Variants in DLG2 observed in about 807,000 individuals in gnomAD.
DLG2 encodes the protein disks large homolog 2.
A neutral mutation model predicts 132.5 loss-of-function variants in DLG2; 45 were observed. The observed-to-expected ratio is 0.34, with a 90% confidence interval of 0.27 to 0.44. The LOEUF (loss-of-function observed/expected upper bound fraction) is 0.44. DLG2 is among the 20% of genes least tolerant of loss of function. The pLI, the probability that DLG2 is intolerant of heterozygous loss-of-function variation, is 1.00. For missense variants in DLG2, 1,045 were observed against 1,196.9 expected (o/e 0.87, Z 1.87); for synonymous variants, 424 against 419.6 (o/e 1.01, Z -0.13).
intron 7 of DLG2, among the ~76,000 whole-genome samples, chr11:84,303,004 C>T (rs976296738): frequency 6.6e-6 from 1 of 151,922 alleles, no homozygotes; most frequent in South Asian, 2.1e-4. Context: ...GCCTGTAGTT[C>T]CAGGTACTCA....
intron 6 of DLG2, among the ~76,000 whole-genome samples, chr11:84,927,998 T>C (rs1315246053): frequency 6.6e-6 from 1 of 151,904 alleles, no homozygotes; most frequent in Non-Finnish European, 1.5e-5. Flanking sequence ...ATCACTGCTC[T>C]GAAGAAAGAG....
chr11:84,345,234 G>A (rs977394221), intron 7 of DLG2, among the ~76,000 whole-genome samples: 1 of 152,168 alleles, frequency 6.6e-6, no homozygotes, highest in Non-Finnish European at 1.5e-5. Flanking sequence ...GCTGACCTGG[G>A]AAAATTACTG....
At chr11:83,948,714 C>T (rs1219785310) in intron 14 of DLG2, among the ~76,000 whole-genome samples, 1 of 151,978 alleles carries the variant, frequency 6.6e-6, no homozygotes, top group Non-Finnish European at 1.5e-5. Flanking sequence ...TGGAGCCCAA[C>T]TGCCTATGTT....
intron 3 of DLG2, among the ~76,000 whole-genome samples, chr11:85,513,613 C>T (rs567532715): frequency 6.6e-6 from 1 of 152,070 alleles, no homozygotes; most frequent in South Asian, 2.1e-4. Flanking sequence ...CCCATTTAAT[C>T]ACCAGCAAGG....
At chr11:84,134,917 G>A (rs1033359469) in intron 9 of DLG2, among the ~76,000 whole-genome samples, 46 of 151,942 alleles carry the variant, frequency 3.0e-4, no homozygotes, top group African/African-American at 1.1e-3. Flanking sequence ...GCCAAGGGGT[G>A]AAGGGCAATG....
chr11:85,171,767 T>A (rs2078895234), intron 4 of DLG2, among the ~76,000 whole-genome samples: 1 of 152,124 alleles, frequency 6.6e-6, no homozygotes, highest in African/African-American at 2.4e-5. Flanking sequence ...AGTGGGCCAT[T>A]CTACCCTGCC....
chr11:83,590,029 C>G (rs1033831275), intron 19 of DLG2, among the ~76,000 whole-genome samples: 4 of 134,440 alleles, frequency 3.0e-5, no homozygotes, highest in African/African-American at 1.2e-4. Context: ...TAGACTCCCA[C>G]ACATTAATAA....
At chr11:84,055,928 A>T (rs2096490446) in intron 11 of DLG2, among the ~76,000 whole-genome samples, 1 of 152,162 alleles carries the variant, frequency 6.6e-6, no homozygotes, top group African/African-American at 2.4e-5. Context: ...GAAGGACTAC[A>T]TTAATGTATA....
chr11:85,513,782 C>A (rs746171945), intron 3 of DLG2, among the ~76,000 whole-genome samples: 2 of 151,904 alleles, frequency 1.3e-5, no homozygotes, highest in African/African-American at 2.4e-5. Context: ...AATAACAACA[C>A]CTATTTGATA....
intron 2 of DLG2, among the ~76,000 whole-genome samples, chr11:85,607,626 G>T (rs2153261755): frequency 6.6e-6 from 1 of 152,254 alleles, no homozygotes; most frequent in African/African-American, 2.4e-5. Flanking sequence ...TTTGGCACCT[G>T]GGCTCACCAA....
intron 6 of DLG2, among the ~76,000 whole-genome samples, chr11:84,982,141 A>G (rs1328538720): frequency 1.3e-5 from 2 of 152,022 alleles, no homozygotes; most frequent in Non-Finnish European, 2.9e-5. Flanking sequence ...TATTTAGTCC[A>G]CCAAGCTCTT....
At chr11:84,176,558 A>AT (rs2095974436) in intron 8 of DLG2, among the ~76,000 whole-genome samples, 3 of 151,996 alleles carry the variant, frequency 2.0e-5, no homozygotes, top group Admixed American at 2.0e-4. Context: ...AAGTATAAGC[A>AT]ATATATTTTT....
At chr11:84,545,252 AG>A (rs1054308496) in intron 6 of DLG2, 9 of 483,104 alleles carry the variant, frequency 1.9e-5, no homozygotes. Flanking sequence ...CTGCCTCCTA[AG>A]GTTTCTCTCC....
At chr11:84,202,321 AC>A (rs1403782655) in intron 8 of DLG2, among the ~76,000 whole-genome samples, 7 of 152,288 alleles carry the variant, frequency 4.6e-5, no homozygotes, top group African/African-American at 1.7e-4. Flanking sequence ...TTTCACACCT[AC>A]AACCATCTGA....
intron 3 of DLG2, among the ~76,000 whole-genome samples, chr11:85,320,792 T>C (rs970554636): frequency 6.6e-6 from 1 of 151,962 alleles, no homozygotes; most frequent in Non-Finnish European, 1.5e-5. Flanking sequence ...GTACTATTCA[T>C]GCTCAAGAAT....
intron 9 of DLG2, among the ~76,000 whole-genome samples, chr11:84,134,413 A>C (rs2154220420): frequency 6.6e-6 from 1 of 152,262 alleles, no homozygotes; most frequent in South Asian, 2.1e-4. Context: ...ATTAAAGCCT[A>C]GGTATCTACT....
chr11:85,445,078 A>T (rs2091947963), intron 3 of DLG2, among the ~76,000 whole-genome samples: 1 of 152,256 alleles, frequency 6.6e-6, no homozygotes, highest in Non-Finnish European at 1.5e-5. Context: ...GTACTAAAAC[A>T]ATGATAGACC....
upstream of DLG2, among the ~76,000 whole-genome samples, chr11:85,628,141 GCTGGT>G: frequency 6.6e-6 from 1 of 152,204 alleles, no homozygotes; most frequent in Admixed American, 6.5e-5. Flanking sequence ...GCGCTGGGCG[GCTGGT>G]CCGGGGTTTG....
chr11:84,798,750 G>T (rs903335024), intron 6 of DLG2, among the ~76,000 whole-genome samples: 4 of 152,176 alleles, frequency 2.6e-5, no homozygotes, highest in African/African-American at 9.7e-5. Context: ...TATTACTGTT[G>T]GTTATTCAGG....
Sources: allele counts gnomAD v4.1 joint callset (sites outside exome capture counted in the v4.1 genomes callset), GRCh38; gene constraint gnomAD v4.1.1; transcripts MANE v1.5; gene names NCBI Gene and HGNC (gene_info 2026-07-23, HGNC 2026-07-21).